ELMO1: variants seen among roughly 807,000 people sequenced by gnomAD.
The protein encoded by ELMO1 is engulfment and cell motility 1, also known as engulfment and cell motility protein 1.
Under a neutral mutation model 98.9 loss-of-function variants are expected in ELMO1, and 26 were observed. That is an observed-to-expected ratio of 0.26 (90% CI 0.19 to 0.36). The LOEUF is 0.36. Ranked by LOEUF, ELMO1 falls within the 10% of genes least tolerant of loss-of-function variation. The probability of loss-of-function intolerance (pLI) is 1.00; values close to 1 mark genes in which losing one functional copy is unlikely to be tolerated. For missense variants in ELMO1, 627 were observed against 935.2 expected (o/e 0.67, Z 4.30); for synonymous variants, 346 against 346.0 (o/e 1.00, Z 0.00).
At chr7:36,997,400 G>A (rs1792300865) in intron 16 of ELMO1, among the ~76,000 whole-genome samples, 1 of 152,212 alleles carries the variant, frequency 6.6e-6, no homozygotes. Flanking sequence ...CTGGGGCTGA[G>A]ATAATGGTGC....
At chr7:37,046,586 A>G (rs1795808243) in intron 15 of ELMO1, among the ~76,000 whole-genome samples, 4 of 152,168 alleles carry the variant, frequency 2.6e-5, no homozygotes, top group South Asian at 2.1e-4. Flanking sequence ...AAACACGGGA[A>G]TGAGAATGAT....
intron 15 of ELMO1, among the ~76,000 whole-genome samples, chr7:37,076,457 A>G (rs1006801980): frequency 6.6e-6 from 1 of 152,204 alleles, no homozygotes; most frequent in Non-Finnish European, 1.5e-5. Flanking sequence ...TGCCCATCTC[A>G]CCAGCCACGA....
At chr7:37,035,785 T>C (rs186028138) in intron 15 of ELMO1, among the ~76,000 whole-genome samples, 149 of 152,302 alleles carry the variant, frequency 9.8e-4, no homozygotes, top group Admixed American at 3.2e-3. Flanking sequence ...TAATACACAA[T>C]TTACCAGAGA....
intron 5 of ELMO1, among the ~76,000 whole-genome samples, chr7:37,261,548 A>G (rs754293820): frequency 6.6e-5 from 10 of 151,592 alleles, no homozygotes; most frequent in Non-Finnish European, 1.2e-4. Flanking sequence ...ACTCTAAATC[A>G]CTCAGGATGC....
rs115152559 is a variant in ELMO1 at position 37,194,972 on chromosome 7, G to C, written c.1086+16414C>G. ...CTTACCATATGCCTATCCAGTGGCAGGAACTGTGCTGGGTGCAAGAGATGC... is the reference window on the plus strand; with the variant it reads ...CTTACCATATGCCTATCCAGTGGCACGAACTGTGCTGGGTGCAAGAGATGC... On this transcript the variant is annotated intron_variant, in intron 13 of 21. Coordinates refer to ENST00000310758, the MANE Select transcript of ELMO1 (RefSeq NM_014800.11). 2.7e-3 allele frequency among the ~76,000 whole-genome samples: 417 copies of C among 152,326 alleles called. 3 individuals carry two copies. The highest frequency in any genetic ancestry group is 9.3e-3 in the African/African-American group (388 of 41,558).
chr7:36,949,480 G>A (rs966435326), intron 16 of ELMO1, among the ~76,000 whole-genome samples: 2 of 151,886 alleles, frequency 1.3e-5, no homozygotes, highest in Non-Finnish European at 2.9e-5. Context: ...CTCTCTCGGT[G>A]GCAGACATCA....
At chr7:37,339,042 C>T (rs188289263) in intron 2 of ELMO1, among the ~76,000 whole-genome samples, 1 of 152,336 alleles carries the variant, frequency 6.6e-6, no homozygotes, top group African/African-American at 2.4e-5. Context: ...ACTCAGGAAG[C>T]ACCGCCTCCC....
chr7:37,243,900 CA>C (rs1794873536), intron 7 of ELMO1, among the ~76,000 whole-genome samples: 1 of 152,192 alleles, frequency 6.6e-6, no homozygotes, highest in Non-Finnish European at 1.5e-5. Context: ...AGCACTTTCT[CA>C]GACTCAAAGT....
intron 1 of ELMO1, among the ~76,000 whole-genome samples, 188 bp downstream of exon 1, chr7:37,448,487 C>A (rs1805750921): frequency 1.3e-5 from 2 of 152,022 alleles, no homozygotes; most frequent in South Asian, 2.1e-4. Flanking sequence ...CAGCCCTCAC[C>A]CTGCCGAGCG....
In ELMO1 at chr7:37,342,401, T is replaced by C. The variant is rs1800763921; in HGVS notation, c.78+212A>G. ...CTAGCTTCAGACACAAATCCTGTAT[T>C]GACACAATCCAAGTGGATGCTGGAA... On this transcript the variant is annotated intron_variant, in intron 2 of 21. Transcript: ENST00000310758. This position sits in a 1 kb window ranked among gnomAD's most constrained non-coding sequence, Gnocchi z 4.3. Among the ~76,000 whole-genome samples, 2 of 152,174 alleles carry C rather than the reference T, an allele frequency of 1.3e-5. No individual in the cohort carries two copies. The highest frequency in any genetic ancestry group is 1.9e-4 in the East Asian group (1 of 5,194).
At chr7:36,947,580 A>G (rs1296648046) in intron 16 of ELMO1, among the ~76,000 whole-genome samples, 2 of 152,082 alleles carry the variant, frequency 1.3e-5, no homozygotes, top group East Asian at 3.9e-4. Context: ...TTTCAGTCCA[A>G]AGAGTTTTCT....
chr7:36,973,882 G>A (rs1332183335), intron 16 of ELMO1, among the ~76,000 whole-genome samples: 1 of 152,242 alleles, frequency 6.6e-6, no homozygotes, highest in Non-Finnish European at 1.5e-5. Flanking sequence ...TTAGCACCCG[G>A]GCCAGCGGCT....
At chr7:37,375,473 G>A (rs1223001145) in intron 1 of ELMO1, 2 of 692,244 alleles carry the variant, frequency 2.9e-6, no homozygotes, top group East Asian at 5.4e-5. Context: ...GAAGCAAGAT[G>A]GAGTCAGGTA....
At chr7:37,140,348 T>C (rs1275151795) in intron 13 of ELMO1, among the ~76,000 whole-genome samples, 6 of 151,486 alleles carry the variant, frequency 4.0e-5, no homozygotes, top group South Asian at 2.1e-4. Context: ...ATGGCGCCAG[T>C]GCACTCCAGC....
At chr7:37,170,990 T>C (rs1365599352) in intron 13 of ELMO1, among the ~76,000 whole-genome samples, 5 of 152,202 alleles carry the variant, frequency 3.3e-5, no homozygotes, top group Admixed American at 3.3e-4. Flanking sequence ...CTTTTAAAAC[T>C]ATTTCACCAA....
At chr7:37,045,330 C>G (rs907267437) in intron 15 of ELMO1, among the ~76,000 whole-genome samples, 1 of 152,202 alleles carries the variant, frequency 6.6e-6, no homozygotes, top group African/African-American at 2.4e-5. Context: ...CATGGGAACT[C>G]AGTGTGCTCT....
chr7:37,195,700 A>G (rs1056100491), intron 13 of ELMO1, among the ~76,000 whole-genome samples: 4 of 152,188 alleles, frequency 2.6e-5, no homozygotes, highest in Admixed American at 2.6e-4. Flanking sequence ...CTCCTAACAG[A>G]CCTGGTCCCA....
intron 16 of ELMO1, among the ~76,000 whole-genome samples, chr7:36,914,436 T>C (rs1292369043): frequency 6.6e-6 from 1 of 152,158 alleles, no homozygotes; most frequent in Non-Finnish European, 1.5e-5. Flanking sequence ...ATTTACCCTA[T>C]AGAGTAATTA....
chr7:36,887,741 G>A (rs975650528), intron 17 of ELMO1, 69 bp from the exon 18 acceptor site: 22 of 1,377,458 alleles, frequency 1.6e-5, no homozygotes, highest in Non-Finnish European at 2.2e-5. Flanking sequence ...TGGGCATCAT[G>A]GGCATACGGG....
Sources: allele counts gnomAD v4.1 joint callset (sites outside exome capture counted in the v4.1 genomes callset), GRCh38; gene constraint gnomAD v4.1.1; non-coding constraint Gnocchi (gnomAD v3.1); transcripts MANE v1.5; gene names NCBI Gene and HGNC (gene_info 2026-07-23, HGNC 2026-07-21).